Variants in DIAPH3 observed in about 807,000 individuals in gnomAD.
DIAPH3 encodes the protein diaphanous related formin 3, also known as protein diaphanous homolog 3.
A neutral mutation model predicts 144.3 loss-of-function variants in DIAPH3; 117 were observed. The ratio of observed to expected loss-of-function variants is 0.81; its 90% CI spans 0.70 to 0.95. DIAPH3 has a LOEUF of 0.95. Among genes scored for constraint, DIAPH3 ranks in the 40% least tolerant of loss-of-function variants. The pLI is 0.00. For synonymous variants in DIAPH3, 519 were observed against 488.9 expected (o/e 1.06, Z -0.81); for missense variants, 1,421 against 1,412.7 (o/e 1.01, Z -0.09).
At chr13:59,749,610 A>C (rs1281520798) in intron 27 of DIAPH3, among the ~76,000 whole-genome samples, 1 of 151,548 alleles carries the variant, frequency 6.6e-6, no homozygotes, top group African/African-American at 2.4e-5. Context: ...TTATGAAAGA[A>C]TATCTCAGAT....
chr13:59,908,369 CAAAAAAAAAAA>C (rs773306723), intron 20 of DIAPH3, among the ~76,000 whole-genome samples: 7 of 41,172 alleles, frequency 1.7e-4, no homozygotes, highest in South Asian at 1.2e-3. Context: ...GACTCTGTCT[CAAAAAAAAAAA>C]AAAAAAAAAA....
At chr13:59,759,332 G>A (rs2037453650) in intron 27 of DIAPH3, among the ~76,000 whole-genome samples, 1 of 152,194 alleles carries the variant, frequency 6.6e-6, no homozygotes, top group South Asian at 2.1e-4. Flanking sequence ...AAGGAGAGTG[G>A]TATCAGCAGG....
chr13:59,820,280 G>A (rs968138404), intron 24 of DIAPH3, among the ~76,000 whole-genome samples: 6 of 151,874 alleles, frequency 4.0e-5, no homozygotes, highest in African/African-American at 7.2e-5. Flanking sequence ...GAGTAAAATG[G>A]TTGCATCCAA....
intron 27 of DIAPH3, among the ~76,000 whole-genome samples, chr13:59,686,749 A>C (rs148516942): frequency 1.2e-4 from 18 of 152,236 alleles, no homozygotes; most frequent in African/African-American, 4.3e-4. Context: ...TTATCAATTT[A>C]CACAACCAGG....
chr13:59,981,173 G>A (rs963045731), intron 13 of DIAPH3, among the ~76,000 whole-genome samples: 1 of 150,838 alleles, frequency 6.6e-6, no homozygotes, highest in Admixed American at 6.6e-5. Context: ...GAAAAAAGAT[G>A]ATGTCTATAA....
rs765346256 is a variant in DIAPH3, at chr13:59,666,594, C to G, written c.3572G>C (p.Arg1191Pro). 1.2e-6 allele frequency: 2 copies of G among 1,613,982 alleles called. No individual in the cohort carries two copies. Among genetic ancestry groups the G allele is most frequent in the Non-Finnish European group, 1.7e-6 (2 of 1,179,964 alleles). ...PEVEALLARL[R>P]AL ...AAAAACCAGTTTAACTTATAAAGCT[C>G]GTAATCTTGCCAGCAGGGCTTCAAC... Residue 1191 changes from arginine (R) to proline (P), a missense_variant, in exon 28 of 28, where the codon CGA becomes CCA. Physicochemically the swap from Arg to Pro is moderately radical, Grantham distance 103. Coordinates refer to ENST00000400324, the MANE Select transcript of DIAPH3 (RefSeq NM_001042517.2).
intron 27 of DIAPH3, among the ~76,000 whole-genome samples, chr13:59,692,043 C>T (rs1311860530): frequency 6.7e-6 from 1 of 149,800 alleles, no homozygotes; most frequent in Non-Finnish European, 1.5e-5. Context: ...GTATAGTTCA[C>T]AGTATTCTCT....
intron 27 of DIAPH3, among the ~76,000 whole-genome samples, chr13:59,744,803 G>A (rs2036625149): frequency 6.6e-6 from 1 of 152,140 alleles, no homozygotes; most frequent in African/African-American, 2.4e-5. Flanking sequence ...CAGTGCACCT[G>A]GACAAAGCAG....
At chr13:60,141,556 G>T (rs1734406251) in intron 1 of DIAPH3, among the ~76,000 whole-genome samples, 1 of 152,126 alleles carries the variant, frequency 6.6e-6, no homozygotes, top group African/African-American at 2.4e-5. Context: ...AAGACTAAAG[G>T]CAAATAAAAT....
intron 25 of DIAPH3, among the ~76,000 whole-genome samples, chr13:59,784,657 G>A (rs1367500927): frequency 1.3e-5 from 2 of 152,176 alleles, no homozygotes; most frequent in Non-Finnish European, 2.9e-5. Context: ...GATTACAGGT[G>A]TGAGCCACCA....
chr13:59,961,490 C>T (rs868724160), intron 17 of DIAPH3, among the ~76,000 whole-genome samples: 1 of 151,928 alleles, frequency 6.6e-6, no homozygotes, highest in African/African-American at 2.4e-5. Context: ...AATAGAGGTA[C>T]GAAATGATGA....
At chr13:59,740,700 C>A (rs7332947) in intron 27 of DIAPH3, among the ~76,000 whole-genome samples, 52,298 of 151,956 alleles carry the variant, frequency 0.34, 9,447 homozygotes, top group African/African-American at 0.45. Context: ...AGAAACGTAC[C>A]GCAAGCTGGA....
intron 21 of DIAPH3, among the ~76,000 whole-genome samples, chr13:59,877,126 G>A (rs1024479405): frequency 1.3e-5 from 2 of 151,988 alleles, no homozygotes; most frequent in Non-Finnish European, 2.9e-5. Context: ...AATTGAATAA[G>A]GTAGCTTCAA....
chr13:59,983,907 T>A lies in DIAPH3; in HGVS notation c.1362-20A>T. On this transcript the variant is annotated intron_variant, in intron 12 of 27. Transcript: ENST00000400324. ...TGTTGCCTAAAACCAAAGAAAAGAG[T>A]AAATGTACAATTGATAATTAGTGTA... is the stretch of plus-strand genomic sequence containing the variant. The A allele has an allele frequency of 6.8e-7, 1 of 1,473,788 alleles. No individual in the cohort carries two copies. Among genetic ancestry groups the A allele is most frequent in the Non-Finnish European group, 9.5e-7 (1 of 1,054,570 alleles). The allele number at this position is 1,473,788 out of a possible 1,614,324, so 91.3% of individuals were successfully genotyped here.
chr13:59,988,156 A>G (rs1290205268), intron 12 of DIAPH3, among the ~76,000 whole-genome samples: 1 of 151,868 alleles, frequency 6.6e-6, no homozygotes, highest in Non-Finnish European at 1.5e-5. Context: ...ATTAACTGTC[A>G]TAGAGTGAAA....
rs529296066 is a variant in DIAPH3 at position 59,771,025 on chromosome 13, G to GAGAT, written c.3319+3160_3319+3163dup. On this transcript the variant is annotated intron_variant, in intron 27 of 27. Transcript: ENST00000400324. ...ACAAAGGCTGGATAATTCAGTGCATGAGATGTCTGCTTCTGAAGTCCACTG... is the reference window on the plus strand; with the variant it reads ...ACAAAGGCTGGATAATTCAGTGCATGAGATAGATGTCTGCTTCTGAAGTCCACTG... Among the ~76,000 whole-genome samples, 10 of 152,248 alleles carry GAGAT rather than the reference G, an allele frequency of 6.6e-5. No individual in the cohort carries two copies. In the South Asian group the frequency reaches 2.1e-3, roughly 32 times the overall value.
At chr13:59,854,441 T>C (rs1047190244) in intron 22 of DIAPH3, among the ~76,000 whole-genome samples, 1 of 152,192 alleles carries the variant, frequency 6.6e-6, no homozygotes, top group Non-Finnish European at 1.5e-5. Flanking sequence ...CAATTCTACC[T>C]GCAGCATTTG....
At chr13:60,050,516 T>C (rs530481423) in intron 4 of DIAPH3, among the ~76,000 whole-genome samples, 1 of 152,030 alleles carries the variant, frequency 6.6e-6, no homozygotes, top group Non-Finnish European at 1.5e-5. Flanking sequence ...CAAATGCTTG[T>C]TAAAAAGAAG....
Position 59,668,195 on chromosome 13 carries a change from T to C in DIAPH3, c.3320-1349A>G, listed in dbSNP as rs535976641. Reference sequence around the variant, plus strand: ...TCTGTAGCTTATAATGTACATATTGTGTTTGCCGGAAAGAGCACGGTAGAT... The same window carrying C: ...TCTGTAGCTTATAATGTACATATTGCGTTTGCCGGAAAGAGCACGGTAGAT... On this transcript the variant is annotated intron_variant, in intron 27 of 27. Coordinates refer to ENST00000400324, the MANE Select transcript of DIAPH3 (RefSeq NM_001042517.2). Among the ~76,000 whole-genome samples, 12 of 152,376 alleles carry C rather than the reference T, an allele frequency of 7.9e-5. No homozygotes were observed. The South Asian group carries it at 2.5e-3, about 32-fold the overall frequency.
Sources: gnomAD v4.1 joint callset for allele counts (sites outside exome capture counted in the v4.1 genomes callset) on GRCh38, gnomAD v4.1.1 for gene constraint, MANE v1.5 for transcripts, NCBI Gene and HGNC (gene_info 2026-07-23, HGNC 2026-07-21) for gene names.